NECAB2: variants seen among roughly 807,000 people sequenced by gnomAD.
The protein encoded by NECAB2 is N-terminal EF-hand calcium binding protein 2, also known as N-terminal EF-hand calcium-binding protein 2.
A neutral mutation model predicts 51.9 loss-of-function variants in NECAB2; 68 were observed. The ratio of observed to expected loss-of-function variants is 1.31; its 90% confidence interval spans 1.08 to 1.60. NECAB2 has a LOEUF of 1.60. NECAB2 is among the 40% of genes most tolerant of loss of function. The pLI, the probability that NECAB2 is intolerant of heterozygous loss-of-function variation, is 0.00. For missense variants in NECAB2, 854 were observed against 490.3 expected, an observed-to-expected ratio of 1.74 and a Z score of -7.00; for synonymous variants, 329 against 203.5, an observed-to-expected ratio of 1.62 and a Z score of -5.25.
chr16:83,981,016 C>G lies in NECAB2; in HGVS notation c.362-14C>G, dbSNP rs755943637. ...AGGACCTGTGACCCCTGACCTTTGC[C>G]TTTCCTTCCCCAGATTACTTTGTGG... On this transcript the variant is annotated splice_polypyrimidine_tract_variant and intron_variant, in intron 4 of 12. Transcript: ENST00000305202. 18 of 1,613,634 alleles carry G rather than the reference C, an allele frequency of 1.1e-5. No homozygotes were observed. In the South Asian group the frequency reaches 1.9e-4, roughly 17 times the overall value.
At chr16:83,997,520 C>G (rs1391205050) in intron 9 of NECAB2, among the ~76,000 whole-genome samples, 2 of 108,442 alleles carry the variant, frequency 1.8e-5, no homozygotes, top group African/African-American at 3.5e-5. Flanking sequence ...TGGAGTCTTG[C>G]TGTATCTCCC....
Position 83,969,130 on chromosome 16 carries a change from C to T in NECAB2, c.201+281C>T, listed in dbSNP as rs558534868. On this transcript the variant is annotated intron_variant, in intron 1 of 12. Transcript: ENST00000305202. ...TGCCCACAGTGGGGAGCCGTGAGCC[C>T]CCGGACCCGGCCACTGTCCCCCTAG... 2.0e-5 allele frequency among the ~76,000 whole-genome samples: 3 copies of T among 151,850 alleles called. No homozygotes were observed. In the South Asian group the frequency reaches 6.2e-4, roughly 32 times the overall value.
intron 1 of NECAB2, 54 bp downstream of exon 1, chr16:83,968,903 C>T: frequency 9.6e-7 from 1 of 1,037,708 alleles, no homozygotes; most frequent in Admixed American, 5.4e-5. Flanking sequence ...GACCCGGAGC[C>T]CCCTCCGCCC....
At position 83,980,988 on chromosome 16, in the gene NECAB2, G is replaced by A. The variant is rs373979334; in HGVS notation, c.362-42G>A. On this transcript the variant is annotated intron_variant, in intron 4 of 12. Transcript: ENST00000305202. ...AGGTGCAGGAGTGCTGAGTGGGAGG[G>A]GCAGGACCTGTGACCCCTGACCTTT... is the stretch of plus-strand genomic sequence containing the variant. 8.7e-6 allele frequency: 14 copies of A among 1,607,736 alleles called. No individual in the cohort carries two copies. In the African/African-American group the frequency reaches 1.9e-4, roughly 22 times the overall value.
chr16:83,996,701 G>T (rs1200276959), intron 8 of NECAB2, among the ~76,000 whole-genome samples: 1 of 152,138 alleles, frequency 6.6e-6, no homozygotes, highest in Non-Finnish European at 1.5e-5. Context: ...GATCTTCTGT[G>T]GGGGCTCAGC....
At chr16:83,992,380 C>CCG (rs199574224) in intron 6 of NECAB2, among the ~76,000 whole-genome samples, 2 of 145,154 alleles carry the variant, frequency 1.4e-5, no homozygotes, top group African/African-American at 5.5e-5. Flanking sequence ...GCACCCGTCC[C>CCG]CCCGCCCACC....
Position 83,997,869 on chromosome 16 carries a change from C to T in NECAB2, c.850-336C>T, listed in dbSNP as rs113772620. 3.9e-3 allele frequency among the ~76,000 whole-genome samples: 589 copies of T among 152,224 alleles called. 4 individuals carry two copies. Among genetic ancestry groups the T allele is most frequent in the African/African-American group, 0.014 (566 of 41,528 alleles). On this transcript the variant is annotated intron_variant, in intron 9 of 12. Transcript: ENST00000305202. ...TCAGCCAGACAGTGATGTGAAAATG[C>T]TGAGTCCATCAACTATGAGTTTTTC...
rs551820176 is a variant in NECAB2 at position 83,971,875 on chromosome 16, C to T, written c.202-276C>T. The T allele has an allele frequency of 2.7e-4, 159 of 583,030 alleles. No homozygotes were observed. The African/African-American group carries it at 2.8e-3, about 10-fold the overall frequency. 36.1% of individuals were successfully genotyped at this position (583,030 alleles called of 1,614,324 possible). On this transcript the variant is annotated intron_variant, in intron 1 of 12. Transcript: ENST00000305202. The stretch of plus-strand genomic sequence containing the variant: ...GTGGACCTACACCTGCAGGGATGGC[C>T]GTGGGCCTGCGTGTGTGTGTCAGCG...
chr16:83,968,690 C>A lies in NECAB2; in HGVS notation c.42C>A (p.His14Gln). The A allele has an allele frequency of 1.0e-6, 1 of 993,880 alleles. No homozygotes were observed. Among genetic ancestry groups the A allele is most frequent in the Non-Finnish European group, 1.2e-6 (1 of 837,370 alleles). 61.6% of individuals were successfully genotyped at this position (993,880 alleles called of 1,614,324 possible). A position where few individuals can be genotyped will look rare whatever the true frequency, so the allele number is the denominator to read the frequency against. ...CGCGCCTGTGCAGGGCCGGCGCGCACAGGCTGCTCCGGGAGCCGCCGCAGC... is the reference window on the plus strand; with the variant it reads ...CGCGCCTGTGCAGGGCCGGCGCGCAAAGGCTGCTCCGGGAGCCGCCGCAGC... ...RAARLCRAGA[H>Q]RLLREPPQQG... Residue 14 changes from histidine to glutamine, a missense_variant, in exon 1 of 13, where the codon CAC (histidine) becomes CAA (glutamine). Transcript: ENST00000305202.
At chr16:83,998,994 C>G (rs879433241) in intron 10 of NECAB2, among the ~76,000 whole-genome samples, 22 of 152,172 alleles carry the variant, frequency 1.4e-4, no homozygotes, top group Non-Finnish European at 2.5e-4. Flanking sequence ...GTTTCTGCAG[C>G]AAGGCTCTGC....
In NECAB2 at chr16:83,972,177, TGA is replaced by T; in HGVS notation, c.226+4_226+5del. ...TTTTCCGCCGTGCGGACAAAAATGG[TGA>T]GTTTCCCTTCCAGGCCGACGGCCGC... On this transcript the variant is annotated splice_donor_region_variant and intron_variant, in intron 2 of 12. Coordinates refer to ENST00000305202, the MANE Select transcript of NECAB2 (RefSeq NM_019065.3). 1 of 1,613,532 alleles carries T rather than the reference TGA, an allele frequency of 6.2e-7. No homozygotes were observed. The highest frequency in any genetic ancestry group is 1.6e-4 in the Middle Eastern group (1 of 6,062).
intron 12 of NECAB2, 136 bp from the exon 13 acceptor site, chr16:84,002,182 G>A: frequency 8.3e-7 from 1 of 1,199,280 alleles, no homozygotes; most frequent in Non-Finnish European, 1.2e-6. Context: ...GTTTGCACCT[G>A]GGTGACCAGC....
At chr16:84,000,181 C>A (rs8048803) in intron 10 of NECAB2, among the ~76,000 whole-genome samples, 1 of 151,986 alleles carries the variant, frequency 6.6e-6, no homozygotes, top group Non-Finnish European at 1.5e-5. Flanking sequence ...CGATTACAGG[C>A]GTGAACCATC....
chr16:83,998,091 T>G (rs997793436), intron 9 of NECAB2, 114 bp from the exon 10 acceptor site: 14 of 882,324 alleles, frequency 1.6e-5, no homozygotes, highest in Non-Finnish European at 2.4e-5. Context: ...GAATGAAAAG[T>G]GGGGGAGGGT....
chr16:83,975,967 G>A (rs745569083), intron 2 of NECAB2, among the ~76,000 whole-genome samples: 1 of 152,176 alleles, frequency 6.6e-6, no homozygotes, highest in Non-Finnish European at 1.5e-5. Flanking sequence ...ATAAATGTCA[G>A]CCGAAAGCTT....
chr16:83,982,108 A>G (rs539749246), intron 5 of NECAB2, among the ~76,000 whole-genome samples: 5 of 152,328 alleles, frequency 3.3e-5, no homozygotes, highest in African/African-American at 9.6e-5. Context: ...TGCAGGACCA[A>G]GCTCGGAGCA....
At chr16:83,985,379 A>G (rs1250377955) in intron 5 of NECAB2, among the ~76,000 whole-genome samples, 1 of 143,640 alleles carries the variant, frequency 7.0e-6, no homozygotes, top group Non-Finnish European at 1.5e-5. Context: ...TCACACCTGT[A>G]ATCCCAGCAC....
At chr16:84,001,241 A>ATGGGCCTTGGGCCT (rs368798691) in intron 11 of NECAB2, among the ~76,000 whole-genome samples, 33 of 152,112 alleles carry the variant, frequency 2.2e-4, no homozygotes, top group African/African-American at 8.0e-4. Flanking sequence ...AGCAGCTCTG[A>ATGGGCCTTGGGCCT]TGGGCCTTAG....
At position 83,999,315 on chromosome 16, in the gene NECAB2, G is replaced by C. The variant is rs529308081; in HGVS notation, c.962+998G>C. Among the ~76,000 whole-genome samples, 8 of 152,320 alleles carry C rather than the reference G, an allele frequency of 5.3e-5. No individual in the cohort carries two copies. The South Asian group carries it at 8.3e-4, about 16-fold the overall frequency. ...CTCCAGGAGGACAGACTGCACAGGA[G>C]CAGGGGCCAGACTTGATCTTTTTCC... is the stretch of plus-strand genomic sequence containing the variant. On this transcript the variant is annotated intron_variant, in intron 10 of 12. Transcript: ENST00000305202.
Sources: allele counts gnomAD v4.1 joint callset (sites outside exome capture counted in the v4.1 genomes callset), GRCh38; gene constraint gnomAD v4.1.1; transcripts MANE v1.5; gene names NCBI Gene and HGNC (gene_info 2026-07-23, HGNC 2026-07-21).